IFT140: variants seen among roughly 807,000 people sequenced by gnomAD.
IFT140 encodes intraflagellar transport 140.
In IFT140, 133 loss-of-function variants were observed where a neutral mutation model predicts 164.6. The ratio of observed to expected loss-of-function variants is 0.81; its 90% CI spans 0.70 to 0.93. IFT140 has a LOEUF of 0.93. Among genes scored for constraint, IFT140 ranks in the 40% least tolerant of loss-of-function variants. The pLI, the probability that IFT140 is intolerant of heterozygous loss-of-function variation, is 0.00. For missense variants in IFT140, 2,045 were observed against 1,972.3 expected (o/e 1.04, Z -0.70); for synonymous variants, 860 against 817.3 (o/e 1.05, Z -0.89).
rs1054102092 is a variant in IFT140 at position 1,519,899 on chromosome 16, C to G, written c.4022G>C (p.Arg1341Thr). ...GGCACACCTGCGGGCCTGGATGAAC[C>G]TCTTCACCAGTGCCATCCTGCTCTG... ...QLQSRMALVK[R>T]FIQARRTYTE... Residue 1341 changes from arginine to threonine, a missense_variant, in exon 29 of 31, where the codon AGG becomes ACG. Transcript: ENST00000426508. The G allele has an allele frequency of 6.4e-6, 10 of 1,563,850 alleles. No homozygotes were observed. The highest frequency in any genetic ancestry group is 8.6e-6 in the Non-Finnish European group (10 of 1,157,706).
intron 4 of IFT140, among the ~76,000 whole-genome samples, chr16:1,595,014 G>A (rs745330946): frequency 1.6e-4 from 24 of 152,226 alleles, no homozygotes; most frequent in South Asian, 2.1e-4. Context: ...GGCCGGGCAC[G>A]GTGGCTCACG....
intron 6 of IFT140, among the ~76,000 whole-genome samples, chr16:1,590,200 C>CAAAA (rs559750583): frequency 3.8e-5 from 3 of 78,296 alleles, no homozygotes; most frequent in Non-Finnish European, 5.4e-5. Flanking sequence ...GACTCTGTCT[C>CAAAA]AAAAAAAAAA....
At chr16:1,526,480 C>T (rs971365892) in intron 20 of IFT140, 139 bp downstream of exon 20, 1 of 965,246 alleles carries the variant, frequency 1.0e-6, no homozygotes, top group Non-Finnish European at 1.5e-6. Context: ...GTCTGCCCAG[C>T]TCTCCTGGGT....
rs762176254 is a variant in IFT140 at position 1,564,211 on chromosome 16, C to T, written c.1902-49G>A. The T allele has an allele frequency of 1.4e-5, 21 of 1,477,040 alleles. No individual in the cohort carries two copies. The highest frequency in any genetic ancestry group is 1.8e-4 in the Middle Eastern group (1 of 5,532). 91.5% of individuals were successfully genotyped at this position (1,477,040 alleles called of 1,614,324 possible). ...TTCAACCCCAGGGCGGGCACTCCTG[C>T]TACCAGTCTCCCTCCCACACACATT... On this transcript the variant is annotated intron_variant, in intron 16 of 30. Coordinates refer to ENST00000426508, the MANE Select transcript of IFT140 (RefSeq NM_014714.4). The surrounding 1 kb of genome is among the most constrained non-coding windows in gnomAD (Gnocchi z 5.5).
intron 26 of IFT140, among the ~76,000 whole-genome samples, chr16:1,523,067 T>A (rs545091939): frequency 2.0e-5 from 3 of 150,138 alleles, no homozygotes; most frequent in African/African-American, 4.9e-5. Flanking sequence ...TGAAAAAAAA[T>A]TTAAAAAATT....
At chr16:1,611,508 AAAG>A (rs1445733475) in intron 1 of IFT140, among the ~76,000 whole-genome samples, 1 of 146,578 alleles carries the variant, frequency 6.8e-6, no homozygotes, top group Non-Finnish European at 1.5e-5. Flanking sequence ...AAAAAAAAGA[AAAG>A]AAAAAGAAAC....
Position 1,555,133 on chromosome 16 carries a change from G to A in IFT140, c.2399+2802C>T, listed in dbSNP as rs1037269200. The A allele has an allele frequency of 2.1e-6, 3 of 1,408,850 alleles. No individual in the cohort carries two copies. In the African/African-American group the frequency reaches 4.3e-5, roughly 20 times the overall value. 87.3% of individuals were successfully genotyped at this position (1,408,850 alleles called of 1,614,324 possible). ...CTTCCCCTGCTCGTGCAGAGGCACG[G>A]GATGAGTCTGGGTGACCTCTGCGCC... On this transcript the variant is annotated intron_variant, in intron 19 of 30. Coordinates refer to ENST00000426508, the MANE Select transcript of IFT140 (RefSeq NM_014714.4).
chr16:1,611,676 T>C (rs1484381960), intron 1 of IFT140, among the ~76,000 whole-genome samples: 1 of 149,554 alleles, frequency 6.7e-6, no homozygotes, highest in Non-Finnish European at 1.5e-5. Flanking sequence ...TTAGCGAGTA[T>C]GGTGGCGCGC....
At chr16:1,528,325 A>G (rs2029959862) in intron 19 of IFT140, among the ~76,000 whole-genome samples, 1 of 120,206 alleles carries the variant, frequency 8.3e-6, no homozygotes, top group African/African-American at 3.8e-5. Flanking sequence ...GCACGCATGC[A>G]CGCACGTGTG....
At chr16:1,536,745 T>A (rs929844735) in intron 19 of IFT140, among the ~76,000 whole-genome samples, 1 of 152,102 alleles carries the variant, frequency 6.6e-6, no homozygotes. Flanking sequence ...TCCTCCTGCC[T>A]CTCTCGCCTT....
intron 7 of IFT140, among the ~76,000 whole-genome samples, chr16:1,589,179 T>C (rs1321596323): frequency 6.6e-6 from 1 of 152,168 alleles, no homozygotes; most frequent in Non-Finnish European, 1.5e-5. Flanking sequence ...AGAGCATCTT[T>C]AGGGAAAGTT....
chr16:1,524,594 G>A lies in IFT140; in HGVS notation c.3099C>T (p.Tyr1033=), dbSNP rs375797184. ...QEEVGQAVHF[Y]TRAQAFKNAI... The stretch of plus-strand genomic sequence containing the variant: ...CATTCTTGAAGGCCTGTGCCCGGGT[G>A]TAGAAGTGCACCGCCTGCCCGACCT... Residue 1033 remains tyrosine (Y), a synonymous_variant, in exon 24 of 31, where the codon TAC becomes TAT. Coordinates refer to ENST00000426508, the MANE Select transcript of IFT140 (RefSeq NM_014714.4). The A allele has an allele frequency of 1.1e-5, 18 of 1,608,852 alleles. No individual in the cohort carries two copies. Among genetic ancestry groups the A allele is most frequent in the Middle Eastern group, 1.6e-4 (1 of 6,062 alleles).
chr16:1,564,138 T>C lies in IFT140; in HGVS notation c.1926A>G (p.Gly642=). The part of the protein sequence containing the change: ...TNKSHLFVDE[G]LKNYVPVNHF... The stretch of plus-strand genomic sequence containing the variant: ...GGTTCACGGGAACATAATTTTTCAG[T>C]CCCTCATCCACAAAGAGGTGGCTCC... The change falls in exon 17 of 31, where the codon GGA becomes GGG. Residue 642 remains glycine, a synonymous_variant. Transcript: ENST00000426508. This position sits in a 1 kb window ranked among gnomAD's most constrained non-coding sequence, Gnocchi z 5.5. 1 of 1,583,428 alleles carries C rather than the reference T, an allele frequency of 6.3e-7. No homozygotes were observed. The highest frequency in any genetic ancestry group is 1.3e-5 in the African/African-American group (1 of 74,154).
intron 30 of IFT140, 44 bp downstream of exon 30, chr16:1,518,172 C>T (rs751635905): frequency 6.3e-7 from 1 of 1,597,612 alleles, no homozygotes. Flanking sequence ...TTTCAGGAGC[C>T]TTGTGTGGCG....
rs141314600 is a variant in IFT140, at chr16:1,569,824, G to C, written c.1653-1490C>G. ...GCTGGTCTTGAACTCCTGGGCCTAA[G>C]CAATCCACCTCTCTTGGCCTCCCAA... On this transcript the variant is annotated intron_variant, in intron 14 of 30. Transcript: ENST00000426508. 2.9e-3 allele frequency among the ~76,000 whole-genome samples: 440 copies of C among 151,052 alleles called. 12 individuals are homozygous for C. Among genetic ancestry groups the C allele is most frequent in the East Asian group, 0.02 (101 of 5,132 alleles).
chr16:1,604,972 C>G (rs1212139726), intron 3 of IFT140, among the ~76,000 whole-genome samples: 1 of 152,030 alleles, frequency 6.6e-6, no homozygotes, highest in Non-Finnish European at 1.5e-5. Flanking sequence ...CAGTTTTGTA[C>G]AGTCTGAGGT....
intron 29 of IFT140, among the ~76,000 whole-genome samples, chr16:1,519,604 GAC>G (rs927711762): frequency 1.3e-5 from 2 of 152,018 alleles, no homozygotes; most frequent in Admixed American, 6.6e-5. Context: ...TGGCTCCCCA[GAC>G]ACACCCTCTC....
rs187232822 is a variant in IFT140 at position 1,556,296 on chromosome 16, C to A, written c.2399+1639G>T. Among the ~76,000 whole-genome samples, 424 of 152,338 alleles carry A rather than the reference C, an allele frequency of 2.8e-3. 4 individuals carry two copies. The highest frequency in any genetic ancestry group is 3.4e-3 in the Non-Finnish European group (233 of 68,030). ...ACATCTACATCTGAGGGGTCAAAACCGGCCCATGCCCCCACCCAGAACCCA... is the reference window on the plus strand; with the variant it reads ...ACATCTACATCTGAGGGGTCAAAACAGGCCCATGCCCCCACCCAGAACCCA... On this transcript the variant is annotated intron_variant, in intron 19 of 30. Coordinates refer to ENST00000426508, the MANE Select transcript of IFT140 (RefSeq NM_014714.4).
At chr16:1,525,487 G>T (rs1264459155) in intron 21 of IFT140, among the ~76,000 whole-genome samples, 161 bp from the exon 22 acceptor site, 1 of 152,182 alleles carries the variant, frequency 6.6e-6, no homozygotes, top group Non-Finnish European at 1.5e-5. Context: ...ACGTGGCCAG[G>T]GGGCAGTGGG....
Sources: allele counts gnomAD v4.1 joint callset (sites outside exome capture counted in the v4.1 genomes callset), GRCh38; gene constraint gnomAD v4.1.1; non-coding constraint Gnocchi (gnomAD v3.1); transcripts MANE v1.5; gene names NCBI Gene and HGNC (gene_info 2026-07-23, HGNC 2026-07-21).